TBXAS1: variants seen among roughly 807,000 people sequenced by gnomAD.
TBXAS1 encodes the protein thromboxane A synthase 1.
Under a neutral mutation model 60.7 loss-of-function variants are expected in TBXAS1, and 48 were observed. The ratio of observed to expected loss-of-function variants is 0.79; its 90% CI spans 0.63 to 1.01. TBXAS1 has a LOEUF of 1.01. Ranked by LOEUF, TBXAS1 falls within the 50% of genes least tolerant of loss-of-function variation. TBXAS1 has a pLI of 0.00. For synonymous variants in TBXAS1, 287 were observed against 269.7 expected (o/e 1.06, Z -0.63); for missense variants, 685 against 686.3 (o/e 1.00, Z 0.02).
intron 9 of TBXAS1, among the ~76,000 whole-genome samples, chr7:139,984,971 A>G (rs1344336930): frequency 1.3e-5 from 2 of 150,958 alleles, no homozygotes; most frequent in African/African-American, 2.5e-5. Context: ...AGAAAAGATC[A>G]AATTACCAGG....
chr7:139,815,035 G>A lies in TBXAS1; in HGVS notation c.-79-14277G>A, dbSNP rs532307527. Reference sequence around the variant, plus strand: ...CTGGCTCCTCCAACCCCAGCTGTGAGCTGAAATACTGTCTCAAATCCAAAC... The same window carrying A: ...CTGGCTCCTCCAACCCCAGCTGTGAACTGAAATACTGTCTCAAATCCAAAC... On this transcript the variant is annotated intron_variant, in intron 4 of 16. Transcript: ENST00000336425. Among the ~76,000 whole-genome samples the A allele has an allele frequency of 2.5e-3, 380 of 152,348 alleles. 1 individual carries two copies. Among genetic ancestry groups the A allele is most frequent in the South Asian group, 9.9e-3 (48 of 4,826 alleles).
chr7:139,841,482 CT>C (rs5887936), intron 1 of TBXAS1, among the ~76,000 whole-genome samples: 71,288 of 146,308 alleles, frequency 0.49, 19,092 homozygotes, highest in East Asian at 0.83. Flanking sequence ...ATCTATTTCC[CT>C]TTTTTTTTTT....
intron 1 of TBXAS1, among the ~76,000 whole-genome samples, chr7:139,845,781 C>G (rs1454839302): frequency 6.6e-6 from 1 of 151,890 alleles, no homozygotes; most frequent in African/African-American, 2.4e-5. Flanking sequence ...CAGCTTTCAC[C>G]CTGACTTGTC....
intron 4 of TBXAS1, among the ~76,000 whole-genome samples, chr7:139,935,113 C>A (rs185080016): frequency 6.6e-6 from 1 of 152,258 alleles, no homozygotes; most frequent in African/African-American, 2.4e-5. Context: ...CACTCTCAGC[C>A]TTAATTACCT....
chr7:139,921,188 C>T (rs1385020044), intron 4 of TBXAS1, among the ~76,000 whole-genome samples: 8 of 149,358 alleles, frequency 5.4e-5, no homozygotes, highest in Admixed American at 5.3e-4. Context: ...CAGATCAAGA[C>T]ACAAACATTT....
chr7:139,930,942 G>C lies in TBXAS1; in HGVS notation c.334-5249G>C, dbSNP rs77799492. Among the ~76,000 whole-genome samples, 104 of 152,244 alleles carry C rather than the reference G, an allele frequency of 6.8e-4. 1 individual carries two copies. In the East Asian group the frequency reaches 0.02, roughly 29 times the overall value. ...CTGACAGGATTGTAGTTGAGAGAGA[G>C]AGAACAACTCCTAGGTTTGGGGTTT... On this transcript the variant is annotated intron_variant, in intron 4 of 12. Coordinates refer to ENST00000448866, the MANE Select transcript of TBXAS1 (RefSeq NM_001061.7).
At chr7:139,860,003 A>G (rs965816511) in intron 1 of TBXAS1, among the ~76,000 whole-genome samples, 1 of 152,030 alleles carries the variant, frequency 6.6e-6, no homozygotes, top group Admixed American at 6.6e-5. Flanking sequence ...GCTGAGCACA[A>G]TAGTGCACGC....
At chr7:139,878,321 T>A (rs1488646050) in intron 3 of TBXAS1, among the ~76,000 whole-genome samples, 2 of 152,134 alleles carry the variant, frequency 1.3e-5, no homozygotes, top group African/African-American at 4.8e-5. Context: ...TCCTCCAACT[T>A]TAACTGAGTT....
chr7:139,805,866 TCTC>T (rs1797859735), intron 4 of TBXAS1, among the ~76,000 whole-genome samples: 1 of 149,788 alleles, frequency 6.7e-6, no homozygotes, highest in Non-Finnish European at 1.5e-5. Context: ...TTCAAGCAAT[TCTC>T]CTGCTTCAGC....
chr7:139,983,885 C>A (rs1307087233), intron 9 of TBXAS1, among the ~76,000 whole-genome samples: 1 of 152,202 alleles, frequency 6.6e-6, no homozygotes, highest in Non-Finnish European at 1.5e-5. Context: ...GATCAGTTTG[C>A]ACAGAGAAGT....
rs1417115758 is a variant in TBXAS1 at position 139,999,275 on chromosome 7, A to T, written c.1135-7816A>T. 1.3e-5 allele frequency among the ~76,000 whole-genome samples: 2 copies of T among 152,234 alleles called. No homozygotes were observed. The highest frequency in any genetic ancestry group is 2.9e-5 in the Non-Finnish European group (2 of 68,038). ...CGCCATGGCTTACGCCTATAATCCC[A>T]GCACTTTGGGAGGCCGAGGTGGGTG... On this transcript the variant is annotated intron_variant, in intron 9 of 12. Transcript: ENST00000448866. The surrounding 1 kb of genome is among the most constrained non-coding windows in gnomAD (Gnocchi z 4.3).
chr7:139,804,421 C>T (rs568071684), intron 4 of TBXAS1, among the ~76,000 whole-genome samples: 19 of 152,286 alleles, frequency 1.2e-4, no homozygotes, highest in African/African-American at 3.4e-4. Context: ...AGAGATTTGC[C>T]TTGTCTCAGA....
chr7:139,948,207 G>C (rs376470211), intron 5 of TBXAS1, among the ~76,000 whole-genome samples: 1 of 152,148 alleles, frequency 6.6e-6, no homozygotes, highest in South Asian at 2.1e-4. Context: ...GGGTGCCAGC[G>C]TTGTTGGTTT....
intron 3 of TBXAS1, among the ~76,000 whole-genome samples, chr7:139,905,027 C>CTTTT (rs1283933659): frequency 4.5e-4 from 36 of 80,212 alleles, no homozygotes; most frequent in Non-Finnish European, 1.9e-4. Flanking sequence ...TTCTTTCTTT[C>CTTTT]TTTCTTTCTT....
At chr7:139,908,207 T>C (rs1312119678) in intron 3 of TBXAS1, among the ~76,000 whole-genome samples, 1 of 151,964 alleles carries the variant, frequency 6.6e-6, no homozygotes, top group Non-Finnish European at 1.5e-5. Flanking sequence ...AGGTTCTTTG[T>C]TCTTCTTTTT....
chr7:139,985,853 C>T (rs1298775467), intron 9 of TBXAS1, among the ~76,000 whole-genome samples: 1 of 152,198 alleles, frequency 6.6e-6, no homozygotes, highest in Non-Finnish European at 1.5e-5. Flanking sequence ...GTGCCACTTC[C>T]TCTTGTCCAG....
chr7:139,782,540 C>T (rs1319939781), intron 2 of TBXAS1: 1 of 151,804 alleles, frequency 6.6e-6, no homozygotes, highest in Admixed American at 6.6e-5. Flanking sequence ...ATAGAGATAA[C>T]CCTCTTTTTG....
intron 9 of TBXAS1, among the ~76,000 whole-genome samples, chr7:139,968,764 C>A (rs79237636): frequency 0.022 from 3,300 of 152,290 alleles, 78 homozygotes; most frequent in Non-Finnish European, 0.035. Context: ...TTGGAGAAGT[C>A]TCTCTTTTCC....
intron 9 of TBXAS1, chr7:139,963,189 C>T (rs981815147): frequency 1.3e-5 from 2 of 152,242 alleles, no homozygotes; most frequent in African/African-American, 4.8e-5. Flanking sequence ...TTAGGCTCAA[C>T]ATGAGTTTAT....
Sources: allele counts gnomAD v4.1 joint callset (sites outside exome capture counted in the v4.1 genomes callset), GRCh38; gene constraint gnomAD v4.1.1; non-coding constraint Gnocchi (gnomAD v3.1); transcripts MANE v1.5; gene names NCBI Gene and HGNC (gene_info 2026-07-23, HGNC 2026-07-21).